The following NCBP2L variants were observed in gnomAD, a reference collection of about 807,000 sequenced individuals.
NCBP2L encodes nuclear cap binding protein subunit 2 like, also known as nuclear cap-binding protein subunit 2-like.
For synonymous variants in NCBP2L, 39 were observed against 19.2 expected, an observed-to-expected ratio of 2.04 and a Z score of -2.70; for missense variants, 95 against 53.1, an observed-to-expected ratio of 1.79 and a Z score of -2.45.
intron 1 of NCBP2L, among the ~76,000 whole-genome samples, chrX:107,792,449 T>C (rs1416631094): frequency 9.0e-6 from 1 of 111,604 alleles, no homozygotes; most frequent in African/African-American, 3.3e-5. Flanking sequence ...CTTTCAGACA[T>C]CCTTGACAGG....
intron 1 of NCBP2L, among the ~76,000 whole-genome samples, chrX:107,781,692 C>CTA (rs1212780432): frequency 0.045 from 2,992 of 66,675 alleles, 98 homozygotes; most frequent in Non-Finnish European, 0.058. Flanking sequence ...CTCTCTCTCT[C>CTA]TATATATATA....
intron 1 of NCBP2L, among the ~76,000 whole-genome samples, chrX:107,778,923 C>T (rs757248551): frequency 9.0e-6 from 1 of 111,074 alleles, no homozygotes; most frequent in Non-Finnish European, 1.9e-5. Context: ...GTAATGGAGG[C>T]CTGGTGTGTG....
intron 1 of NCBP2L, among the ~76,000 whole-genome samples, chrX:107,780,374 G>T (rs1407687161): frequency 9.0e-6 from 1 of 110,795 alleles, no homozygotes; most frequent in African/African-American, 3.3e-5. Context: ...AATATTAGAT[G>T]AATGAGTCTT....
In NCBP2L at chrX:107,794,596, G is replaced by A. The variant is rs5962886; in HGVS notation, c.376G>A (p.Gly126Ser). ...GFREGQQYGR[G>S]KSGGQVRDEF... The stretch of plus-strand genomic sequence containing the variant: ...TAGAGAGGGTCAACAGTATGGTCGC[G>A]GTAAATCTGGGGGTCAGGTAAGGGA... The change falls in exon 2 of 2, where the codon GGT (glycine) becomes AGT (serine). Residue 126 changes from glycine (G) to serine (S), a missense_variant. Coordinates refer to ENST00000509000, the MANE Select transcript of NCBP2L (RefSeq NM_001348372.2). 4,391 of 567,305 alleles carry A rather than the reference G, an allele frequency of 7.7e-3. 117 individuals carry two copies. In the African/African-American group the frequency reaches 0.087, roughly 11 times the overall value. 46.8% of individuals were successfully genotyped at this position (567,305 alleles called of 1,213,427 possible). A position where few individuals can be genotyped will look rare whatever the true frequency, so the allele number is the denominator to read the frequency against.
chrX:107,792,456 C>G (rs1335492633), intron 1 of NCBP2L, among the ~76,000 whole-genome samples: 1 of 111,537 alleles, frequency 9.0e-6, no homozygotes, highest in African/African-American at 3.3e-5. Context: ...ACATCCTTGA[C>G]AGGCTGTCAG....
intron 1 of NCBP2L, among the ~76,000 whole-genome samples, chrX:107,781,660 A>ATC (rs1930274533): frequency 1.5e-5 from 1 of 65,572 alleles, no homozygotes; most frequent in Non-Finnish European, 2.5e-5. Context: ...TCATCTATCT[A>ATC]TCTATCTATC....
At position 107,791,991 on chromosome X, in the gene NCBP2L, G is replaced by T. The variant is rs753089848; in HGVS notation, c.-72-2158G>T. On this transcript the variant is annotated intron_variant, in intron 1 of 1. Coordinates refer to ENST00000509000, the MANE Select transcript of NCBP2L (RefSeq NM_001348372.2). Reference sequence around the variant, plus strand: ...GGGCATCTCCACTGCTTCACTACTGGGTGCCTAGCTCAAGGCAGCCCATTG... The same window carrying T: ...GGGCATCTCCACTGCTTCACTACTGTGTGCCTAGCTCAAGGCAGCCCATTG... Among the ~76,000 whole-genome samples the T allele has an allele frequency of 7.1e-5, 8 of 112,083 alleles. No individual in the cohort carries two copies. The South Asian group carries it at 3.0e-3, about 42-fold the overall frequency.
chrX:107,793,482 T>G (rs1018523564), intron 1 of NCBP2L, among the ~76,000 whole-genome samples: 7 of 112,021 alleles, frequency 6.2e-5, no homozygotes, highest in Non-Finnish European at 1.3e-4. Context: ...CAGTAAATTT[T>G]AGTAAAAGAG....
intron 1 of NCBP2L, among the ~76,000 whole-genome samples, chrX:107,789,494 C>T (rs1930425517): frequency 9.0e-6 from 1 of 111,511 alleles, no homozygotes; most frequent in South Asian, 3.8e-4. Context: ...AGTGTAGACA[C>T]TCTCCATTTC....
chrX:107,783,062 A>G (rs1057200260), intron 1 of NCBP2L, among the ~76,000 whole-genome samples: 4 of 110,286 alleles, frequency 3.6e-5, no homozygotes, highest in African/African-American at 1.3e-4. Context: ...TTATCTATCA[A>G]TGGACACTTA....
intron 1 of NCBP2L, among the ~76,000 whole-genome samples, chrX:107,788,661 TG>T (rs1930414778): frequency 8.9e-6 from 1 of 112,675 alleles, no homozygotes; most frequent in African/African-American, 3.2e-5. Context: ...CTCCTTGTGA[TG>T]GTCTGATGCA....
chrX:107,792,913 C>A (rs1439953744), intron 1 of NCBP2L, among the ~76,000 whole-genome samples: 1 of 112,193 alleles, frequency 8.9e-6, no homozygotes, highest in Non-Finnish European at 1.9e-5. Flanking sequence ...ATTGATTACA[C>A]CATATTGTAT....
rs145396805 is a variant in NCBP2L, at chrX:107,783,984, C to G, written c.-73+6126C>G. Among the ~76,000 whole-genome samples the G allele has an allele frequency of 3.6e-5, 4 of 109,612 alleles. No homozygotes were observed. In the East Asian group the frequency reaches 1.1e-3, roughly 31 times the overall value. On this transcript the variant is annotated intron_variant, in intron 1 of 1. Transcript: ENST00000509000. ...AAGCACAGAATGGTGATGGAAGGAA[C>G]AAAGAGTGGGCATACCAAACACAGA...
chrX:107,784,615 C>T (rs1445635579), intron 1 of NCBP2L, among the ~76,000 whole-genome samples: 4 of 109,602 alleles, frequency 3.6e-5, no homozygotes, highest in East Asian at 2.8e-4. Context: ...CCCCAACCAC[C>T]GCTACCACCA....
At chrX:107,784,788 T>C (rs1475314372) in intron 1 of NCBP2L, among the ~76,000 whole-genome samples, 15 of 73,708 alleles carry the variant, frequency 2.0e-4, no homozygotes, top group African/African-American at 7.8e-4. Context: ...CTGGGCAACA[T>C]GGCAAAACCC....
chrX:107,777,852 T>C lies in NCBP2L; in HGVS notation c.-79T>C. On this transcript the variant is annotated 5_prime_UTR_variant, in exon 1 of 2. Coordinates refer to ENST00000509000, the MANE Select transcript of NCBP2L (RefSeq NM_001348372.2). ...GCCGTACTTCTCGCTCTTGACAGGA[T>C]CCCAAGGTCAGAGGTGAAAGAGGTG... is the stretch of plus-strand genomic sequence containing the variant. 9.0e-6 allele frequency: 1 copy of C among 111,495 alleles called. No homozygotes were observed. The highest frequency in any genetic ancestry group is 2.8e-4 in the East Asian group (1 of 3,569). The allele number at this position is 111,495 out of a possible 1,213,427, so 9.2% of individuals were successfully genotyped here.
In NCBP2L at chrX:107,794,508, GC is replaced by G. The variant is rs748425582; in HGVS notation, c.289del (p.Arg97GlyfsTer3). 92 of 568,530 alleles carry G rather than the reference GC, an allele frequency of 1.6e-4. No individual in the cohort carries two copies. The African/African-American group carries it at 1.8e-3, about 11-fold the overall frequency. The allele number at this position is 568,530 out of a possible 1,213,427, so 46.9% of individuals were successfully genotyped here. A position where few individuals can be genotyped will look rare whatever the true frequency, so the allele number is the denominator to read the frequency against. ...HNRADAENAMRFLTGTCLDEW... is the reference protein window; with the variant it reads ...HNRADAENAMXFLTGTCLDEW... ...ACAGAGCTGATGCTGAAAATGCCAT[GC>G]GGTTTCTAACTGGGACCTGCCTAGA... is the stretch of plus-strand genomic sequence containing the variant. On this transcript the variant is annotated frameshift_variant, in exon 2 of 2. Transcript: ENST00000509000. LOFTEE classifies it low-confidence loss of function (END_TRUNC).
rs1481187684 is a variant in NCBP2L, at chrX:107,794,275, T to TA, written c.56dup (p.Tyr19Ter). 1.1e-5 allele frequency: 6 copies of TA among 566,591 alleles called. No homozygotes were observed. The African/African-American group carries it at 1.3e-4, about 13-fold the overall frequency. 46.7% of individuals were successfully genotyped at this position (566,591 alleles called of 1,213,427 possible). A position where few individuals can be genotyped will look rare whatever the true frequency, so the allele number is the denominator to read the frequency against. ...AGACCCTGCTTTGGAGCTGAGCTGCTACCGGGACCATCAGTTCAGTGGCCG... is the reference window on the plus strand; with the variant it reads ...AGACCCTGCTTTGGAGCTGAGCTGCTAACCGGGACCATCAGTTCAGTGGCCG... ...CKDPALELSC[Y>*]RDHQFSGRKF... Residue 19 changes from tyrosine (Y) to a stop codon, truncating the protein, a stop_gained and frameshift_variant, in exon 2 of 2, where the codon TAC becomes TAAC. Coordinates refer to ENST00000509000, the MANE Select transcript of NCBP2L (RefSeq NM_001348372.2). LOFTEE classifies it low-confidence loss of function (END_TRUNC).
At chrX:107,781,648 TATC>T (rs1192511396) in intron 1 of NCBP2L, among the ~76,000 whole-genome samples, 1 of 66,909 alleles carries the variant, frequency 1.5e-5, no homozygotes, top group East Asian at 3.7e-4. Flanking sequence ...TCTATCTATC[TATC>T]ATCTATCTAT....
Sources: allele counts gnomAD v4.1 joint callset (sites outside exome capture counted in the v4.1 genomes callset), GRCh38; gene constraint gnomAD v4.1.1; transcripts MANE v1.5; gene names NCBI Gene and HGNC (gene_info 2026-07-23, HGNC 2026-07-21).